DOK6: variants seen among roughly 807,000 people sequenced by gnomAD.
DOK6 encodes downstream of tyrosine kinase 6.
In DOK6, 22 loss-of-function variants were observed where a neutral mutation model predicts 44.0. The observed-to-expected ratio is 0.50, with a 90% confidence interval of 0.36 to 0.71. The LOEUF is 0.71. DOK6 is among the 30% of genes least tolerant of loss of function. The probability of loss-of-function intolerance (pLI) is 0.00; values close to 1 mark genes in which losing one functional copy is unlikely to be tolerated. For synonymous variants in DOK6, 166 were observed against 145.5 expected (o/e 1.14, Z -1.01); for missense variants, 340 against 416.4 (o/e 0.82, Z 1.60).
intron 7 of DOK6, among the ~76,000 whole-genome samples, chr18:69,821,330 T>C (rs1052558785): frequency 1.3e-5 from 2 of 152,160 alleles, no homozygotes; most frequent in African/African-American, 2.4e-5. Context: ...TTCCCTAAAA[T>C]ACATTATGTC....
chr18:69,777,064 G>A (rs1420863469), intron 7 of DOK6, among the ~76,000 whole-genome samples: 5 of 150,830 alleles, frequency 3.3e-5, no homozygotes, highest in African/African-American at 7.3e-5. Context: ...AATGGGTGCA[G>A]CACACCAGCA....
chr18:69,612,024 C>A (rs1340126077), intron 3 of DOK6, among the ~76,000 whole-genome samples: 1 of 151,856 alleles, frequency 6.6e-6, no homozygotes, highest in Non-Finnish European at 1.5e-5. Flanking sequence ...ATGTCAACAC[C>A]CTAGTTGTCA....
Position 69,493,774 on chromosome 18 carries a change from G to A in DOK6, c.67-70713G>A, listed in dbSNP as rs551310906. Among the ~76,000 whole-genome samples the A allele has an allele frequency of 9.2e-5, 14 of 152,118 alleles. No homozygotes were observed. In the South Asian group the frequency reaches 2.9e-3, roughly 32 times the overall value. On this transcript the variant is annotated intron_variant, in intron 1 of 7. Transcript: ENST00000382713. ...AACAAATAGGAAATAAATTTTTGTGGCTTTTTTCATGCCACACCCACAATG... is the reference window on the plus strand; with the variant it reads ...AACAAATAGGAAATAAATTTTTGTGACTTTTTTCATGCCACACCCACAATG...
intron 4 of DOK6, among the ~76,000 whole-genome samples, chr18:69,686,595 C>T (rs896059022): frequency 2.6e-5 from 4 of 152,052 alleles, no homozygotes; most frequent in Admixed American, 1.3e-4. Flanking sequence ...CCCTAAATTT[C>T]CCATCTGCTG....
At chr18:69,824,855 G>A (rs1221635275) in intron 7 of DOK6, among the ~76,000 whole-genome samples, 1 of 152,176 alleles carries the variant, frequency 6.6e-6, no homozygotes, top group Non-Finnish European at 1.5e-5. Flanking sequence ...AGACTGAGAG[G>A]AGTCATATCC....
intron 5 of DOK6, among the ~76,000 whole-genome samples, chr18:69,719,656 G>T (rs547214172): frequency 6.6e-6 from 1 of 152,238 alleles, no homozygotes; most frequent in East Asian, 1.9e-4. Flanking sequence ...ACAAAGAAGG[G>T]GTCAGTTTGG....
chr18:69,789,772 A>G (rs984538698), intron 7 of DOK6, among the ~76,000 whole-genome samples: 6 of 152,216 alleles, frequency 3.9e-5, no homozygotes, highest in Non-Finnish European at 7.3e-5. Context: ...CCATTAAGAT[A>G]CCAGCTAGAA....
chr18:69,566,558 A>C (rs557178284), intron 2 of DOK6, among the ~76,000 whole-genome samples: 1 of 152,332 alleles, frequency 6.6e-6, no homozygotes, highest in East Asian at 1.9e-4. Flanking sequence ...TAACCCCACT[A>C]TAAGGATTGG....
intron 5 of DOK6, among the ~76,000 whole-genome samples, chr18:69,717,518 A>T (rs1448648343): frequency 6.6e-6 from 1 of 152,202 alleles, no homozygotes; most frequent in African/African-American, 2.4e-5. Flanking sequence ...CTTTGAAAAT[A>T]TAGTTTGTGA....
chr18:69,546,213 G>T (rs1168751179), intron 1 of DOK6, among the ~76,000 whole-genome samples: 1 of 148,348 alleles, frequency 6.7e-6, no homozygotes, highest in African/African-American at 2.5e-5. Context: ...GGAGGTCGAG[G>T]TTGCGGTGAC....
intron 1 of DOK6, among the ~76,000 whole-genome samples, chr18:69,401,744 A>T (rs757731353): frequency 2.6e-5 from 4 of 152,056 alleles, no homozygotes; most frequent in Admixed American, 1.3e-4. Context: ...CCGCTTCCCA[A>T]GCTCAATTCG....
chr18:69,452,277 A>G (rs1289326403), intron 1 of DOK6, among the ~76,000 whole-genome samples: 2 of 150,812 alleles, frequency 1.3e-5, no homozygotes, highest in Admixed American at 1.3e-4. Context: ...AGAGAATACT[A>G]CAAACACCTC....
At chr18:69,515,503 A>G (rs1375840855) in intron 1 of DOK6, among the ~76,000 whole-genome samples, 3 of 152,180 alleles carry the variant, frequency 2.0e-5, no homozygotes, top group Non-Finnish European at 4.4e-5. Flanking sequence ...CCAGTGGTGT[A>G]CTGAATAAAT....
intron 1 of DOK6, among the ~76,000 whole-genome samples, chr18:69,518,474 C>G (rs1036730601): frequency 2.0e-5 from 3 of 152,046 alleles, no homozygotes; most frequent in East Asian, 3.8e-4. Flanking sequence ...TGGTTACTTA[C>G]AAAAAATATT....
chr18:69,839,395 C>G (rs1355629909), intron 7 of DOK6, among the ~76,000 whole-genome samples: 1 of 149,130 alleles, frequency 6.7e-6, no homozygotes, highest in East Asian at 2.0e-4. Flanking sequence ...TCTCCCTAGC[C>G]CCTCCCCTAA....
intron 7 of DOK6, among the ~76,000 whole-genome samples, chr18:69,789,660 C>A (rs909781048): frequency 1.1e-4 from 17 of 152,112 alleles, no homozygotes; most frequent in Non-Finnish European, 2.2e-4. Context: ...TACAAACATT[C>A]TTGGCAGTAT....
chr18:69,574,365 GAAGT>G (rs1400569109), intron 2 of DOK6, among the ~76,000 whole-genome samples: 1 of 151,998 alleles, frequency 6.6e-6, no homozygotes, highest in Non-Finnish European at 1.5e-5. Flanking sequence ...ACAATCTGAT[GAAGT>G]AAGGTTTATA....
intron 1 of DOK6, among the ~76,000 whole-genome samples, chr18:69,409,224 C>G (rs1047169980): frequency 4.6e-5 from 7 of 152,180 alleles, no homozygotes; most frequent in African/African-American, 1.7e-4. Context: ...TGAGGCCTCC[C>G]TAGCCATGCA....
At chr18:69,661,813 T>C (rs1985534471) in intron 3 of DOK6, 2 of 152,252 alleles carry the variant, frequency 1.3e-5, no homozygotes, top group Non-Finnish European at 2.9e-5. Context: ...ATAATATATG[T>C]AATGTGGACT....
Sources: gnomAD v4.1 joint callset for allele counts (sites outside exome capture counted in the v4.1 genomes callset) on GRCh38, gnomAD v4.1.1 for gene constraint, MANE v1.5 for transcripts, NCBI Gene and HGNC (gene_info 2026-07-23, HGNC 2026-07-21) for gene names.